The following SUGT1 variants were observed in gnomAD, a reference collection of about 807,000 sequenced individuals.
SUGT1 encodes the protein protein SGT1 homolog.
SUGT1 carries 15 observed loss-of-function variants against 56.1 expected under a neutral mutation model. The observed-to-expected ratio is 0.27, with a 90% CI of 0.18 to 0.41. The LOEUF (loss-of-function observed/expected upper bound fraction) is 0.41. Ranked by LOEUF, SUGT1 falls within the 10% of genes least tolerant of loss-of-function variation. SUGT1 has a pLI of 1.00. For synonymous variants in SUGT1, 123 were observed against 128.6 expected (o/e 0.96, Z 0.30); for missense variants, 347 against 382.2 (o/e 0.91, Z 0.77).
chr13:52,684,030 GC>G (rs1963475634), intron 12 of SUGT1, among the ~76,000 whole-genome samples: 1 of 152,020 alleles, frequency 6.6e-6, no homozygotes, highest in Non-Finnish European at 1.5e-5. Context: ...ACAGGCATGT[GC>G]CGTCACATCC....
In SUGT1 at chr13:52,676,313, C is replaced by T. The variant is rs752550898; in HGVS notation, c.711C>T (p.Phe237=). ...GAGATGTGCCTACGCCAAAACAATT[C>T]GTAGCAGGTTTGTTTTCTGGCCTTG... is the stretch of plus-strand genomic sequence containing the variant. ...GQGDVPTPKQ[F]VADVKNLYPS... Residue 237 remains phenylalanine, a synonymous_variant, in exon 11 of 13, where the codon TTC becomes TTT. Transcript: ENST00000310528. 40 of 1,610,674 alleles carry T rather than the reference C, an allele frequency of 2.5e-5. No individual in the cohort carries two copies. The highest frequency in any genetic ancestry group is 2.4e-4 in the African/African-American group (18 of 74,762).
intron 10 of SUGT1, among the ~76,000 whole-genome samples, chr13:52,668,585 T>G (rs988055288): frequency 6.6e-6 from 1 of 152,046 alleles, no homozygotes; most frequent in African/African-American, 2.4e-5. Context: ...CAATAGAAAG[T>G]GAGGAAAGGG....
rs1963679248 is a variant in SUGT1, at chr13:52,688,598, T to G, written c.*763T>G. ...ATTACAGCATTGGTGGGTTTTTTGG[T>G]ATTTTTTTTCTTTATTAGAAAATCT... is the stretch of plus-strand genomic sequence containing the variant. On this transcript the variant is annotated 3_prime_UTR_variant, in exon 13 of 13. Coordinates refer to ENST00000310528, the MANE Select transcript of SUGT1 (RefSeq NM_006704.5). The G allele has an allele frequency of 6.6e-6, 1 of 152,214 alleles. No homozygotes were observed. The highest frequency in any genetic ancestry group is 2.4e-5 in the African/African-American group (1 of 41,456). The allele number at this position is 152,214 out of a possible 1,614,324, so 9.4% of individuals were successfully genotyped here.
intron 2 of SUGT1, 88 bp from the exon 3 acceptor site, chr13:52,657,444 A>G: frequency 9.0e-7 from 1 of 1,106,594 alleles, no homozygotes; most frequent in Non-Finnish European, 1.3e-6. Flanking sequence ...TTCTGACAAT[A>G]AGTTACTTGA....
rs935738250 is a variant in SUGT1 at position 52,696,027 on chromosome 13, C to G, written c.*8192C>G. ...TCCTTTGATGGAGTCATACCAAAAC[C>G]ACAACATGTCATGAGCATGCTTGAG... is the stretch of plus-strand genomic sequence containing the variant. On this transcript the variant is annotated 3_prime_UTR_variant, in exon 13 of 13. Coordinates refer to ENST00000310528, the MANE Select transcript of SUGT1 (RefSeq NM_006704.5). 2 of 152,194 alleles carry G rather than the reference C, an allele frequency of 1.3e-5. No individual in the cohort carries two copies. Among genetic ancestry groups the G allele is most frequent in the Non-Finnish European group, 2.9e-5 (2 of 68,062 alleles). 9.4% of individuals were successfully genotyped at this position (152,194 alleles called of 1,614,324 possible).
chr13:52,654,074 T>G (rs898858555), intron 2 of SUGT1, among the ~76,000 whole-genome samples: 1 of 152,170 alleles, frequency 6.6e-6, no homozygotes, highest in Non-Finnish European at 1.5e-5. Flanking sequence ...GAAGTTGGCC[T>G]GTATGTGAAG....
intron 12 of SUGT1, among the ~76,000 whole-genome samples, chr13:52,682,734 CCT>C (rs1475112158): frequency 1.3e-5 from 2 of 152,190 alleles, no homozygotes; most frequent in Non-Finnish European, 2.9e-5. Flanking sequence ...TATGTATGTT[CCT>C]CTGTCAGTCC....
chr13:52,661,516 C>G (rs1962451385), intron 5 of SUGT1: 2 of 362,592 alleles, frequency 5.5e-6, no homozygotes, highest in Non-Finnish European at 1.1e-5. Context: ...TGGTCTCCAA[C>G]TCTTGACCTC....
chr13:52,655,098 C>G (rs966347002), intron 2 of SUGT1, among the ~76,000 whole-genome samples: 3 of 152,216 alleles, frequency 2.0e-5, no homozygotes, highest in Non-Finnish European at 4.4e-5. Flanking sequence ...ATAGTCCCAG[C>G]ACTCTGGGAG....
intron 11 of SUGT1, among the ~76,000 whole-genome samples, chr13:52,678,126 A>G (rs1208714383): frequency 2.0e-5 from 3 of 152,238 alleles, no homozygotes; most frequent in Non-Finnish European, 4.4e-5. Flanking sequence ...CCTGGGAGTC[A>G]GCATTAGGAT....
Position 52,692,345 on chromosome 13 carries a change from A to G in SUGT1, c.*4510A>G, listed in dbSNP as rs1221341893. On this transcript the variant is annotated 3_prime_UTR_variant, in exon 13 of 13. Coordinates refer to ENST00000310528, the MANE Select transcript of SUGT1 (RefSeq NM_006704.5). ...GGTTAATAAGCTAGATGTGGAATGA[A>G]TGATTTTTATTACCAAATCAGCTGA... 6.6e-6 allele frequency: 1 copy of G among 152,234 alleles called. No homozygotes were observed. Among genetic ancestry groups the G allele is most frequent in the African/African-American group, 2.4e-5 (1 of 41,442 alleles). 9.4% of individuals were successfully genotyped at this position (152,234 alleles called of 1,614,324 possible).
intron 11 of SUGT1, among the ~76,000 whole-genome samples, chr13:52,677,123 A>G (rs1490030238): frequency 6.6e-6 from 1 of 152,212 alleles, no homozygotes; most frequent in African/African-American, 2.4e-5. Flanking sequence ...CTTCTGTAAC[A>G]GAAAACACAT....
chr13:52,659,299 A>G (rs774241470), intron 5 of SUGT1, 50 bp downstream of exon 5: 1 of 1,168,236 alleles, frequency 8.6e-7, no homozygotes, highest in Non-Finnish European at 1.2e-6. Context: ...TCTGTCTTAA[A>G]TACCAAAGCT....
rs918692269 is a variant in SUGT1 at position 52,695,312 on chromosome 13, T to C, written c.*7477T>C. Reference sequence around the variant, plus strand: ...TTTCAAAACAATTGACTTTAAAAAATTATACTTCACCACAGAGACAGGTGT... The same window carrying C: ...TTTCAAAACAATTGACTTTAAAAAACTATACTTCACCACAGAGACAGGTGT... On this transcript the variant is annotated 3_prime_UTR_variant, in exon 13 of 13. Transcript: ENST00000310528. The C allele has an allele frequency of 1.3e-5, 2 of 152,184 alleles. No individual in the cohort carries two copies. Among genetic ancestry groups the C allele is most frequent in the Admixed American group, 1.3e-4 (2 of 15,274 alleles). 9.4% of individuals were successfully genotyped at this position (152,184 alleles called of 1,614,324 possible).
At chr13:52,672,595 T>C (rs1038052572) in intron 10 of SUGT1, among the ~76,000 whole-genome samples, 1 of 152,198 alleles carries the variant, frequency 6.6e-6, no homozygotes, top group African/African-American at 2.4e-5. Context: ...TAAGAGTATG[T>C]TGGGAAGGCT....
At chr13:52,671,614 C>T (rs1489991133) in intron 10 of SUGT1, among the ~76,000 whole-genome samples, 1 of 152,104 alleles carries the variant, frequency 6.6e-6, no homozygotes, top group African/African-American at 2.4e-5. Context: ...ATAATTTGCC[C>T]AGGTTTTTTA....
intron 11 of SUGT1, 61 bp downstream of exon 11, chr13:52,676,381 T>C: frequency 7.5e-7 from 1 of 1,340,974 alleles, no homozygotes; most frequent in South Asian, 1.4e-5. Context: ...TGAAATTAAA[T>C]AGTAATGAAC....
chr13:52,681,058 G>A (rs964497455), intron 12 of SUGT1, among the ~76,000 whole-genome samples: 2 of 152,100 alleles, frequency 1.3e-5, no homozygotes, highest in Non-Finnish European at 2.9e-5. Context: ...GGCTGGTCTC[G>A]AACTCCTGGC....
At chr13:52,680,201 A>G (rs1963316708) in intron 12 of SUGT1, 46 bp downstream of exon 12, 1 of 1,513,300 alleles carries the variant, frequency 6.6e-7, no homozygotes, top group East Asian at 2.5e-5. Flanking sequence ...CAAATTTTAC[A>G]TATTTTAAAC....
Sources: allele counts gnomAD v4.1 joint callset (sites outside exome capture counted in the v4.1 genomes callset), GRCh38; gene constraint gnomAD v4.1.1; transcripts MANE v1.5; gene names NCBI Gene and HGNC (gene_info 2026-07-23, HGNC 2026-07-21).